PCM1: variants seen among roughly 807,000 people sequenced by gnomAD.
The protein encoded by PCM1 is pericentriolar material 1 protein.
Under a neutral mutation model 241.9 loss-of-function variants are expected in PCM1, and 157 were observed. That is an observed-to-expected ratio of 0.65 (90% confidence interval 0.57 to 0.74). PCM1 has a LOEUF of 0.74. Among genes scored for constraint, PCM1 ranks in the 30% least tolerant of loss-of-function variants. The pLI is 0.00. For synonymous variants in PCM1, 1,085 were observed against 784.9 expected (o/e 1.38, Z -6.39); for missense variants, 3,478 against 2,360.1 (o/e 1.47, Z -9.81).
In PCM1 at chr8:18,028,667, TTG is replaced by T; in HGVS notation, c.*1006_*1007del. 4.9e-6 allele frequency: 1 copy of T among 204,052 alleles called. No homozygotes were observed. The allele number at this position is 204,052 out of a possible 1,614,324, so 12.6% of individuals were successfully genotyped here. On this transcript the variant is annotated 3_prime_UTR_variant, in exon 39 of 39. Transcript: ENST00000325083. ...AGTCAGCTTTTGAAAAGTGATTGATTTGCTTTTTATCCCAAACTGTCCATATA... is the reference window on the plus strand; with the variant it reads ...AGTCAGCTTTTGAAAAGTGATTGATTCTTTTTATCCCAAACTGTCCATATA...
chr8:17,985,553 A>T lies in PCM1; in HGVS notation c.4215A>T (p.Glu1405Asp). 1 of 1,603,152 alleles carries T rather than the reference A, an allele frequency of 6.2e-7. No individual in the cohort carries two copies. Among genetic ancestry groups the T allele is most frequent in the Non-Finnish European group, 8.5e-7 (1 of 1,173,904 alleles). Residue 1405 changes from glutamate (E) to aspartate (D), a missense_variant, in exon 25 of 39, where the codon GAA becomes GAT. By Grantham distance (45) the Glu-to-Asp change is conservative. Transcript: ENST00000325083. ...QNESRPHFLI[E>D]LFHELQLLNT... is the part of the protein sequence containing the mutation. ...AATCTCGTCCACATTTTCTTATTGA[A>T]CTCTTCCATGAGCTGCAGCTACTAA...
At chr8:17,931,175 T>C (rs1215602999) in intron 2 of PCM1, among the ~76,000 whole-genome samples, 2 of 152,238 alleles carry the variant, frequency 1.3e-5, no homozygotes, top group African/African-American at 2.4e-5. Context: ...TAGAAACTTA[T>C]TTTAGTAGTG....
chr8:17,986,987 C>CT (rs2129477402), intron 26 of PCM1, among the ~76,000 whole-genome samples: 1 of 151,848 alleles, frequency 6.6e-6, no homozygotes, highest in African/African-American at 2.4e-5. Context: ...ACAGTAATTT[C>CT]TGAGTTTTTC....
intron 24 of PCM1, chr8:17,983,141 T>G (rs569923288): frequency 2.0e-6 from 1 of 495,166 alleles, no homozygotes; most frequent in African/African-American, 2.1e-5. Context: ...TTCGCTTATT[T>G]CTTTTTTTCA....
In PCM1 at chr8:17,967,017, A is replaced by G. The variant is rs1016035307; in HGVS notation, c.3259A>G (p.Asn1087Asp). The G allele has an allele frequency of 6.2e-6, 10 of 1,608,906 alleles. No homozygotes were observed. The highest frequency in any genetic ancestry group is 1.7e-5 in the Admixed American group (1 of 59,286). Reference sequence around the variant, plus strand: ...GCTAAATGAACTTATGCGCCAGCAAAATCAGCATCCAGAAAAACCTGGAGG... The same window carrying G: ...GCTAAATGAACTTATGCGCCAGCAAGATCAGCATCCAGAAAAACCTGGAGG... ...QMLNELMRQQ[N>D]QHPEKPGGKE... is the part of the protein sequence containing the mutation. The change falls in exon 21 of 39, where the codon AAT becomes GAT. Residue 1087 changes from asparagine to aspartate, a missense_variant. Coordinates refer to ENST00000325083, the MANE Select transcript of PCM1 (RefSeq NM_006197.4).
In PCM1 at chr8:17,969,727, C is replaced by G. The variant is rs758469668; in HGVS notation, c.3563C>G (p.Ser1188Cys). 6.3e-7 allele frequency: 1 copy of G among 1,589,880 alleles called. No individual in the cohort carries two copies. Among genetic ancestry groups the G allele is most frequent in the South Asian group, 1.1e-5 (1 of 90,008 alleles). ...AFPKPFESSSSIGAEKPRNKK... is the reference protein window; with the variant it reads ...AFPKPFESSSCIGAEKPRNKK... The stretch of plus-strand genomic sequence containing the variant: ...CCAAAACCTTTTGAAAGCAGTTCCT[C>G]TATTGGAGCAGAGAAACCAAGGTAC... Residue 1188 changes from serine to cysteine, a missense_variant, in exon 22 of 39, where the codon TCT becomes TGT. Coordinates refer to ENST00000325083, the MANE Select transcript of PCM1 (RefSeq NM_006197.4).
rs963095828 is a variant in PCM1, at chr8:18,029,850, A to C, written c.*2188A>C. On this transcript the variant is annotated 3_prime_UTR_variant, in exon 39 of 39. Transcript: ENST00000325083. ...TGCAGGTTGAGATAATGCCTAAAATAATGAGCTGGCCAGACTGTGGAGGTA... is the reference window on the plus strand; with the variant it reads ...TGCAGGTTGAGATAATGCCTAAAATCATGAGCTGGCCAGACTGTGGAGGTA... The C allele has an allele frequency of 5.1e-6, 1 of 195,716 alleles. No individual in the cohort carries two copies. Among genetic ancestry groups the C allele is most frequent in the Non-Finnish European group, 1.1e-5 (1 of 94,222 alleles). The allele number at this position is 195,716 out of a possible 1,614,324, so 12.1% of individuals were successfully genotyped here.
intron 29 of PCM1, among the ~76,000 whole-genome samples, chr8:17,995,962 A>G (rs1287374463): frequency 6.6e-6 from 1 of 152,146 alleles, no homozygotes; most frequent in Admixed American, 6.5e-5. Flanking sequence ...GTATAAGATT[A>G]TATATATATC....
chr8:17,928,032 G>C (rs1179259956), intron 2 of PCM1: 4 of 151,394 alleles, frequency 2.6e-5, no homozygotes, highest in Non-Finnish European at 5.9e-5. Context: ...CATAGCATGA[G>C]TAGAAGTGCG....
chr8:18,022,980 T>C (rs116672416), intron 36 of PCM1, among the ~76,000 whole-genome samples: 1 of 152,126 alleles, frequency 6.6e-6, no homozygotes, highest in African/African-American at 2.4e-5. Context: ...GTGTAATACA[T>C]AGAAGTGTTT....
intron 28 of PCM1, among the ~76,000 whole-genome samples, chr8:17,992,859 TG>T (rs1183195508): frequency 1.3e-5 from 2 of 151,782 alleles, no homozygotes; most frequent in East Asian, 1.9e-4. Flanking sequence ...TCAAGTGATC[TG>T]CCCACCTCAG....
intron 23 of PCM1, 139 bp from the exon 24 acceptor site, chr8:17,980,452 A>T: frequency 1.7e-6 from 1 of 572,798 alleles, no homozygotes; most frequent in Non-Finnish European, 3.0e-6. Context: ...AGACATATTT[A>T]CTGTTTTGTA....
intron 7 of PCM1, among the ~76,000 whole-genome samples, chr8:17,947,745 A>C (rs2064371243): frequency 6.6e-6 from 1 of 152,162 alleles, no homozygotes; most frequent in Non-Finnish European, 1.5e-5. Context: ...AAGGGTTAAA[A>C]CCTTAAGTGA....
In PCM1 at chr8:17,991,677, G is replaced by A. The variant is rs776459832; in HGVS notation, c.4667G>A (p.Gly1556Asp). The A allele has an allele frequency of 1.9e-6, 3 of 1,553,988 alleles. No homozygotes were observed. The highest frequency in any genetic ancestry group is 8.7e-7 in the Non-Finnish European group (1 of 1,148,632). ...IIEDGDGAGAGTTVNNLEETP... is the reference protein window; with the variant it reads ...IIEDGDGAGADTTVNNLEETP... ...GAGGATGGAGATGGTGCTGGTGCAG[G>A]TACTACAGTTAATAATTTAGAAGGT... The change falls in exon 28 of 39, where the codon GGT becomes GAT. Residue 1556 changes from glycine to aspartate, a missense_variant. By Grantham distance (94) the Gly-to-Asp change is moderately conservative (BLOSUM62 -1). Coordinates refer to ENST00000325083, the MANE Select transcript of PCM1 (RefSeq NM_006197.4).
chr8:18,026,239 A>T (rs2094198515), intron 38 of PCM1, among the ~76,000 whole-genome samples: 1 of 140,800 alleles, frequency 7.1e-6, no homozygotes, highest in Non-Finnish European at 1.5e-5. Flanking sequence ...GTACAAAAAT[A>T]TTATAAATAG....
At chr8:18,004,213 C>T (rs1482831708) in intron 29 of PCM1, among the ~76,000 whole-genome samples, 2 of 151,946 alleles carry the variant, frequency 1.3e-5, no homozygotes, top group Non-Finnish European at 2.9e-5. Flanking sequence ...AATACTTGAG[C>T]GAAATAGAAG....
intron 7 of PCM1, among the ~76,000 whole-genome samples, chr8:17,949,431 C>T (rs942449354): frequency 3.3e-5 from 5 of 151,238 alleles, no homozygotes; most frequent in African/African-American, 1.2e-4. Flanking sequence ...TCTCAGTTCT[C>T]AGTGGAAAAA....
chr8:17,933,648 A>G (rs9644600), intron 2 of PCM1, among the ~76,000 whole-genome samples: 5,695 of 152,094 alleles, frequency 0.037, 167 homozygotes, highest in African/African-American at 0.075. Context: ...ACTCCTAGTT[A>G]TTTTATATAT....
At chr8:18,027,598 G>T (rs761028563) in intron 38 of PCM1, 39 bp from the exon 39 acceptor site, 1 of 1,449,932 alleles carries the variant, frequency 6.9e-7, no homozygotes, top group Middle Eastern at 2.1e-4. Context: ...CTAGTAATTC[G>T]ATAAGTAATT....
Sources: allele counts gnomAD v4.1 joint callset (sites outside exome capture counted in the v4.1 genomes callset), GRCh38; gene constraint gnomAD v4.1.1; transcripts MANE v1.5; gene names NCBI Gene and HGNC (gene_info 2026-07-23, HGNC 2026-07-21).